Variants in OTUD3 observed in about 807,000 individuals in gnomAD.
OTUD3 encodes the protein OTU deubiquitinase 3, also known as OTU domain-containing protein 3.
Under a neutral mutation model 46.2 loss-of-function variants are expected in OTUD3, and 24 were observed. The ratio of observed to expected loss-of-function variants is 0.52; its 90% CI spans 0.38 to 0.73. The LOEUF is 0.73. Among genes scored for constraint, OTUD3 ranks in the 30% least tolerant of loss-of-function variants. The pLI is 0.00. For missense variants in OTUD3, 455 were observed against 523.3 expected (o/e 0.87, Z 1.27); for synonymous variants, 189 against 195.4 (o/e 0.97, Z 0.27).
intron 1 of OTUD3, among the ~76,000 whole-genome samples, chr1:19,885,004 G>T (rs529593622): frequency 1.3e-5 from 2 of 152,284 alleles, no homozygotes; most frequent in South Asian, 4.2e-4. Context: ...CTCTCAGAGG[G>T]TGTCATGCTC....
intron 5 of OTUD3, 126 bp downstream of exon 5, chr1:19,904,524 T>C: frequency 1.2e-6 from 1 of 808,948 alleles, no homozygotes; most frequent in South Asian, 1.7e-5. Context: ...CCATGAGATT[T>C]GTAGTTTGAT....
intron 2 of OTUD3, among the ~76,000 whole-genome samples, chr1:19,891,067 C>T (rs1159818722): frequency 2.0e-5 from 3 of 152,118 alleles, no homozygotes; most frequent in African/African-American, 7.2e-5. Context: ...GATGATGGGA[C>T]TATGGTATTT....
chr1:19,890,431 C>T lies in OTUD3; in HGVS notation c.268C>T (p.Arg90Ter), dbSNP rs536348725. 9 of 1,613,860 alleles carry T rather than the reference C, an allele frequency of 5.6e-6. No individual in the cohort carries two copies. Among genetic ancestry groups the T allele is most frequent in the Admixed American group, 3.3e-5 (2 of 60,016 alleles). Residue 90 changes from arginine (R) to a stop codon, truncating the protein, a stop_gained, in exon 2 of 8, where the codon CGA (arginine) becomes TGA (stop). Transcript: ENST00000375120. LOFTEE classifies it high-confidence loss of function. ...TGGTGATCAATTGGAGGGACACTCA[C>T]GAAATCATCTCAAGCACAGACAGGA... is the stretch of plus-strand genomic sequence containing the variant. ...ALGDQLEGHSRNHLKHRQETV... is the reference protein window; with the variant it reads ...ALGDQLEGHS
Position 19,912,322 on chromosome 1 carries a change from C to T in OTUD3, c.*4576C>T, listed in dbSNP as rs115973178. 1 of 152,398 alleles carries T rather than the reference C, an allele frequency of 6.6e-6. No individual in the cohort carries two copies. The highest frequency in any genetic ancestry group is 6.5e-5 in the Admixed American group (1 of 15,284). 9.4% of individuals were successfully genotyped at this position (152,398 alleles called of 1,614,324 possible). Reference sequence around the variant, plus strand: ...TGGCGGTTTGATCCCTGGCAGGTCCCTCGAGCAGTACTGGTAAGAGGCTTC... The same window carrying T: ...TGGCGGTTTGATCCCTGGCAGGTCCTTCGAGCAGTACTGGTAAGAGGCTTC... On this transcript the variant is annotated 3_prime_UTR_variant, in exon 8 of 8. Coordinates refer to ENST00000375120, the MANE Select transcript of OTUD3 (RefSeq NM_015207.2).
intron 6 of OTUD3, among the ~76,000 whole-genome samples, chr1:19,905,377 T>C (rs538123228): frequency 1.3e-5 from 2 of 152,130 alleles, no homozygotes; most frequent in Admixed American, 1.3e-4. Context: ...TAGATTTGTA[T>C]TAGCTTGTGA....
At chr1:19,900,916 G>GTTTTTTTTT (rs990933093) in intron 4 of OTUD3, among the ~76,000 whole-genome samples, 2 of 115,722 alleles carry the variant, frequency 1.7e-5, no homozygotes, top group East Asian at 2.5e-4. Flanking sequence ...TTTTTTTTTT[G>GTTTTTTTTT]TTTTTTTTTT....
chr1:19,885,700 C>T (rs568558527), intron 1 of OTUD3, among the ~76,000 whole-genome samples: 147 of 152,324 alleles, frequency 9.7e-4, no homozygotes, highest in Non-Finnish European at 1.3e-3. Context: ...ATGATCCATC[C>T]GCCTTGGCCT....
chr1:19,904,216 A>G (rs1365489219), intron 4 of OTUD3, 51 bp from the exon 5 acceptor site: 1 of 1,457,118 alleles, frequency 6.9e-7, no homozygotes, highest in African/African-American at 1.4e-5. Context: ...AAGATTCTGA[A>G]CATAGTTTGA....
chr1:19,888,119 C>T (rs2045395001), intron 1 of OTUD3, among the ~76,000 whole-genome samples: 1 of 152,188 alleles, frequency 6.6e-6, no homozygotes, highest in Admixed American at 6.5e-5. Context: ...CTTTGGTTGT[C>T]ACAACTGATG....
At chr1:19,902,158 ATCC>A (rs79275989) in intron 4 of OTUD3, among the ~76,000 whole-genome samples, 7,814 of 152,138 alleles carry the variant, frequency 0.051, 232 homozygotes, top group Middle Eastern at 0.085. Flanking sequence ...CTTTCTCTTC[ATCC>A]TCTCTGACAA....
chr1:19,895,632 G>A (rs1406508007), intron 3 of OTUD3, among the ~76,000 whole-genome samples: 1 of 152,230 alleles, frequency 6.6e-6, no homozygotes, highest in African/African-American at 2.4e-5. Flanking sequence ...GATAGAAGGA[G>A]CAGGAGTGAA....
At chr1:19,898,007 T>C (rs1571174001) in intron 4 of OTUD3, among the ~76,000 whole-genome samples, 1 of 151,572 alleles carries the variant, frequency 6.6e-6, no homozygotes, top group South Asian at 2.1e-4. Flanking sequence ...TGGAGTGCAG[T>C]GGTGCGATCT....
Position 19,907,676 on chromosome 1 carries a change from A to G in OTUD3, c.1127A>G (p.Asn376Ser). The change falls in exon 8 of 8, where the codon AAT (asparagine) becomes AGT (serine). Residue 376 changes from asparagine to serine, a missense_variant. Physicochemically the swap from Asn to Ser is conservative, Grantham distance 46. Coordinates refer to ENST00000375120, the MANE Select transcript of OTUD3 (RefSeq NM_015207.2). Reference sequence around the variant, plus strand: ...GAGAGCAGAGGTAGCCACAGGGACAATAACAGAAGCGAAGCAGAGGCGAAC... The same window carrying G: ...GAGAGCAGAGGTAGCCACAGGGACAGTAACAGAAGCGAAGCAGAGGCGAAC... ...ALESRGSHRD[N>S]NRSEAEANTQ... 6.2e-7 allele frequency: 1 copy of G among 1,614,264 alleles called. No individual in the cohort carries two copies. Among genetic ancestry groups the G allele is most frequent in the East Asian group, 2.2e-5 (1 of 44,890 alleles).
intron 1 of OTUD3, among the ~76,000 whole-genome samples, chr1:19,887,737 C>G (rs1441450253): frequency 6.6e-6 from 1 of 152,152 alleles, no homozygotes; most frequent in Admixed American, 6.5e-5. Context: ...TTAGGCCAAA[C>G]ATCACTAGTA....
intron 4 of OTUD3, among the ~76,000 whole-genome samples, chr1:19,903,225 T>C (rs1023109311): frequency 6.6e-6 from 1 of 151,602 alleles, no homozygotes; most frequent in South Asian, 2.1e-4. Flanking sequence ...TTCTTTTGTA[T>C]TTTTTTTGTA....
At position 19,909,051 on chromosome 1, in the gene OTUD3, C is replaced by G. The variant is rs1004147910; in HGVS notation, c.*1305C>G. 1 of 152,290 alleles carries G rather than the reference C, an allele frequency of 6.6e-6. No individual in the cohort carries two copies. The highest frequency in any genetic ancestry group is 1.5e-5 in the Non-Finnish European group (1 of 68,038). The allele number at this position is 152,290 out of a possible 1,614,324, so 9.4% of individuals were successfully genotyped here. A position where few individuals can be genotyped will look rare whatever the true frequency, so the allele number is the denominator to read the frequency against. On this transcript the variant is annotated 3_prime_UTR_variant, in exon 8 of 8. Coordinates refer to ENST00000375120, the MANE Select transcript of OTUD3 (RefSeq NM_015207.2). Reference sequence around the variant, plus strand: ...TAAGAACTATAACGTATGAGGCAGCCCATCTTGGATCATCTTTGTCTTTTG... The same window carrying G: ...TAAGAACTATAACGTATGAGGCAGCGCATCTTGGATCATCTTTGTCTTTTG...
At position 19,907,969 on chromosome 1, in the gene OTUD3, C is replaced by A. The variant is rs946745576; in HGVS notation, c.*223C>A. ...AAAATGCAGTGAGGCCATTCATATT[C>A]TGTAATACAAAATTAAAATACTGAG... On this transcript the variant is annotated 3_prime_UTR_variant, in exon 8 of 8. Transcript: ENST00000375120. 4.6e-6 allele frequency: 2 copies of A among 430,490 alleles called. No individual in the cohort carries two copies. The highest frequency in any genetic ancestry group is 7.8e-5 in the Admixed American group (2 of 25,762). The allele number at this position is 430,490 out of a possible 1,614,324, so 26.7% of individuals were successfully genotyped here.
Position 19,882,731 on chromosome 1 carries a change from A to G in OTUD3, c.218A>G (p.Asp73Gly), listed in dbSNP as rs2045288259. ...LGLKLREVPG[D>G]GNCLFRALGD... Reference sequence around the variant, plus strand: ...CTGAAGCTGCGGGAGGTGCCGGGGGACGGGTGAGGCGGGCCGGGAGCGAGG... The same window carrying G: ...CTGAAGCTGCGGGAGGTGCCGGGGGGCGGGTGAGGCGGGCCGGGAGCGAGG... The change falls in exon 1 of 8, where the codon GAC becomes GGC. Residue 73 changes from aspartate to glycine, a missense_variant. Physicochemically the swap from Asp to Gly is moderately conservative, Grantham distance 94 (BLOSUM62 -1). Transcript: ENST00000375120. 1.5e-6 allele frequency: 2 copies of G among 1,358,366 alleles called. No homozygotes were observed. The highest frequency in any genetic ancestry group is 1.8e-5 in the South Asian group (1 of 55,636). The allele number at this position is 1,358,366 out of a possible 1,614,324, so 84.1% of individuals were successfully genotyped here. A position where few individuals can be genotyped will look rare whatever the true frequency, so the allele number is the denominator to read the frequency against.
At chr1:19,897,061 C>T (rs900911512) in intron 3 of OTUD3, among the ~76,000 whole-genome samples, 6 of 152,216 alleles carry the variant, frequency 3.9e-5, no homozygotes, top group Non-Finnish European at 7.3e-5. Flanking sequence ...CATCAGGCCA[C>T]TCATTTGTAG....
Sources: gnomAD v4.1 joint callset for allele counts (sites outside exome capture counted in the v4.1 genomes callset) on GRCh38, gnomAD v4.1.1 for gene constraint, MANE v1.5 for transcripts, NCBI Gene and HGNC (gene_info 2026-07-23, HGNC 2026-07-21) for gene names.